The following POLA1 variants were observed in gnomAD, a reference collection of about 807,000 sequenced individuals.
The protein encoded by POLA1 is DNA polymerase alpha 1, catalytic subunit.
POLA1 carries 15 observed loss-of-function variants against 124.0 expected under a neutral mutation model. The ratio of observed to expected loss-of-function variants is 0.12; its 90% CI spans 0.08 to 0.19. The LOEUF (loss-of-function observed/expected upper bound fraction) is 0.19, where lower values mean the gene tolerates loss of function less well. POLA1 is among the 10% of genes least tolerant of loss of function. The pLI, the probability that POLA1 is intolerant of heterozygous loss-of-function variation, is 1.00. For synonymous variants in POLA1, 408 were observed against 389.4 expected (o/e 1.05, Z -0.56); for missense variants, 886 against 1,103.4 (o/e 0.80, Z 2.79).
chrX:24,955,974 G>A (rs190040752), intron 36 of POLA1, among the ~76,000 whole-genome samples: 26 of 111,669 alleles, frequency 2.3e-4, no homozygotes, highest in Middle Eastern at 4.6e-3. Flanking sequence ...CTTCTCTATC[G>A]GAGGAATTAC....
At chrX:24,843,285 C>CACTAT (rs2046432764) in intron 33 of POLA1, among the ~76,000 whole-genome samples, 2 of 111,559 alleles carry the variant, frequency 1.8e-5, no homozygotes, top group Non-Finnish European at 3.8e-5. Flanking sequence ...TCCATAGAGT[C>CACTAT]CCTCGTATAG....
At chrX:24,857,203 T>C (rs889986087) in intron 34 of POLA1, among the ~76,000 whole-genome samples, 2 of 111,851 alleles carry the variant, frequency 1.8e-5, no homozygotes, top group African/African-American at 6.5e-5. Context: ...ACTGAATTGC[T>C]TTTGCACCCG....
At chrX:24,840,584 AGATTT>A (rs1300775289) in intron 32 of POLA1, among the ~76,000 whole-genome samples, 2 of 112,409 alleles carry the variant, frequency 1.8e-5, no homozygotes, top group Non-Finnish European at 3.8e-5. Context: ...TGCATCTGTT[AGATTT>A]ATCTACCTAT....
intron 13 of POLA1, 113 bp downstream of exon 13, chrX:24,726,168 G>GT (rs1467055992): frequency 2.1e-6 from 1 of 472,031 alleles, no homozygotes; most frequent in Non-Finnish European, 3.7e-6. Flanking sequence ...CAAGCCCACA[G>GT]TTCATTGAGG....
At chrX:24,929,002 A>G (rs1354926486) in intron 35 of POLA1, among the ~76,000 whole-genome samples, 1 of 111,971 alleles carries the variant, frequency 8.9e-6, no homozygotes, top group Non-Finnish European at 1.9e-5. Flanking sequence ...CCTGCTACCG[A>G]ATATTTATAG....
intron 26 of POLA1, among the ~76,000 whole-genome samples, chrX:24,797,590 C>CA (rs2045630280): frequency 8.9e-6 from 1 of 112,265 alleles, no homozygotes. Context: ...CTGAATCATT[C>CA]ACAGTTGTGT....
intron 35 of POLA1, among the ~76,000 whole-genome samples, chrX:24,911,393 C>T (rs991537384): frequency 1.8e-5 from 2 of 110,966 alleles, no homozygotes; most frequent in African/African-American, 3.3e-5. Context: ...AATAATCAGG[C>T]TGTTAGAATC....
chrX:24,801,539 G>A (rs1221829447), intron 26 of POLA1, among the ~76,000 whole-genome samples: 1 of 111,544 alleles, frequency 9.0e-6, no homozygotes, highest in Non-Finnish European at 1.9e-5. Context: ...TATGCACAGA[G>A]TACTTTGGGG....
intron 34 of POLA1, among the ~76,000 whole-genome samples, chrX:24,882,073 A>G (rs1416128185): frequency 9.0e-6 from 1 of 110,596 alleles, no homozygotes; most frequent in Non-Finnish European, 1.9e-5. Context: ...GAAACCAGGG[A>G]GGAGGCTACT....
intron 4 of POLA1, 49 bp from the exon 5 acceptor site, chrX:24,714,505 A>G (rs1301171320): frequency 2.6e-6 from 2 of 781,853 alleles, no homozygotes; most frequent in Middle Eastern, 3.9e-4. Flanking sequence ...TTAGTTTTCC[A>G]TTTTGATTTT....
intron 35 of POLA1, among the ~76,000 whole-genome samples, chrX:24,921,547 C>T (rs146234888): frequency 0.021 from 2,352 of 112,037 alleles, 35 homozygotes; most frequent in Non-Finnish European, 0.03. Flanking sequence ...GCAGCTAGAA[C>T]AGTGCCTTCG....
At chrX:24,717,029 A>C in intron 8 of POLA1, 58 bp downstream of exon 8, 1 of 783,696 alleles carries the variant, frequency 1.3e-6, no homozygotes, top group Admixed American at 2.5e-5. Context: ...TCAAAAATGG[A>C]GGCCCTATGA....
chrX:24,835,182 G>A (rs1413240889), intron 32 of POLA1, among the ~76,000 whole-genome samples: 3 of 109,476 alleles, frequency 2.7e-5, no homozygotes, highest in Non-Finnish European at 1.9e-5. Context: ...TGAGTAGCTG[G>A]GATCGCAGGC....
At chrX:24,762,158 A>G (rs1049075128) in intron 26 of POLA1, among the ~76,000 whole-genome samples, 1 of 111,730 alleles carries the variant, frequency 9.0e-6, no homozygotes. Flanking sequence ...GCACCTTAAC[A>G]TAGAGTAGCT....
At chrX:24,969,257 A>T (rs1359154207) in intron 36 of POLA1, among the ~76,000 whole-genome samples, 1 of 110,933 alleles carries the variant, frequency 9.0e-6, no homozygotes, top group Non-Finnish European at 1.9e-5. Flanking sequence ...GGGCCTGCAT[A>T]GAAGAGGTAT....
In POLA1 at chrX:24,769,890, C is replaced by T. The variant is rs187066707; in HGVS notation, c.2964+20898C>T. Among the ~76,000 whole-genome samples the T allele has an allele frequency of 2.1e-4, 23 of 111,820 alleles. No homozygotes were observed. The East Asian group carries it at 4.8e-3, about 23-fold the overall frequency. ...TCCTGCAGCCCTGCGGGTGGGGGCT[C>T]TTATTTCTTTTTACAAATGAGGAAA... is the stretch of plus-strand genomic sequence containing the variant. On this transcript the variant is annotated intron_variant, in intron 26 of 36. Coordinates refer to ENST00000379068, the MANE Select transcript of POLA1 (RefSeq NM_001330360.2).
At chrX:24,850,662 G>A (rs946890695) in intron 34 of POLA1, among the ~76,000 whole-genome samples, 3 of 111,312 alleles carry the variant, frequency 2.7e-5, no homozygotes, top group African/African-American at 9.8e-5. Flanking sequence ...TGCCTATTGA[G>A]GACTAACCCC....
At chrX:24,772,553 C>T in intron 26 of POLA1, among the ~76,000 whole-genome samples, 1 of 110,350 alleles carries the variant, frequency 9.1e-6, no homozygotes, top group Non-Finnish European at 1.9e-5. Flanking sequence ...AGCCTCCACC[C>T]TCCGAGAGGC....
At chrX:24,951,905 C>T (rs926652265) in intron 36 of POLA1, among the ~76,000 whole-genome samples, 3 of 111,801 alleles carry the variant, frequency 2.7e-5, no homozygotes, top group Admixed American at 9.5e-5. Context: ...AGTTTCTTGT[C>T]CACAATGGAG....
Sources: allele counts gnomAD v4.1 joint callset (sites outside exome capture counted in the v4.1 genomes callset), GRCh38; gene constraint gnomAD v4.1.1; transcripts MANE v1.5; gene names NCBI Gene and HGNC (gene_info 2026-07-23, HGNC 2026-07-21).